The following CDH15 variants were observed in gnomAD, a reference collection of about 807,000 sequenced individuals.
The protein encoded by CDH15 is cadherin-15.
Under a neutral mutation model 69.4 loss-of-function variants are expected in CDH15, and 73 were observed. The observed-to-expected ratio is 1.05, with a 90% CI of 0.87 to 1.28. CDH15 has a LOEUF of 1.28. Ranked by LOEUF, CDH15 falls within the 50% of genes most tolerant of loss-of-function variation. CDH15 has a pLI of 0.00. For synonymous variants in CDH15, 624 were observed against 507.7 expected, an observed-to-expected ratio of 1.23 and a Z score of -3.08; for missense variants, 1,343 against 1,133.6, an observed-to-expected ratio of 1.18 and a Z score of -2.65.
Position 89,190,419 on chromosome 16 carries a change from A to G in CDH15, c.1155A>G (p.Ala385=). 1 of 1,611,694 alleles carries G rather than the reference A, an allele frequency of 6.2e-7. No individual in the cohort carries two copies. Among genetic ancestry groups the G allele is most frequent in the South Asian group, 1.1e-5 (1 of 90,658 alleles). Residue 385 remains alanine (A), a synonymous_variant, in exon 8 of 14, where the codon GCA becomes GCG. Coordinates refer to ENST00000289746, the MANE Select transcript of CDH15 (RefSeq NM_004933.3). ...AGAACCCACTTCGGACCAGCCTAGCAGAGGGGGCACCCCCAGGCACTCTGG... is the reference window on the plus strand; with the variant it reads ...AGAACCCACTTCGGACCAGCCTAGCGGAGGGGGCACCCCCAGGCACTCTGG... ...FQENPLRTSL[A]EGAPPGTLVA... is the part of the protein sequence containing the mutation.
chr16:89,183,254 T>C (rs1915415787), intron 3 of CDH15: 1 of 390,036 alleles, frequency 2.6e-6, no homozygotes, highest in African/African-American at 2.0e-5. Context: ...GGAGAGAGAT[T>C]AGGAACCCTC....
intron 13 of CDH15, among the ~76,000 whole-genome samples, chr16:89,194,622 G>C (rs1035444287): frequency 1.3e-5 from 2 of 152,182 alleles, no homozygotes; most frequent in African/African-American, 4.8e-5. Context: ...CAGAGCCCCG[G>C]GGGACGGGCT....
At chr16:89,180,168 A>G in intron 2 of CDH15, 32 bp from the exon 3 acceptor site, 1 of 1,608,482 alleles carries the variant, frequency 6.2e-7, no homozygotes, top group Non-Finnish European at 8.5e-7. Context: ...CGCCCGGAGC[A>G]GCTCTCCCCA....
chr16:89,182,743 A>G (rs894137342), intron 3 of CDH15: 1 of 152,230 alleles, frequency 6.6e-6, no homozygotes, highest in African/African-American at 2.4e-5. Context: ...TATTTGCCCC[A>G]AATCCTCCTT....
At chr16:89,180,502 T>C in intron 3 of CDH15, 147 bp downstream of exon 3, 1 of 940,300 alleles carries the variant, frequency 1.1e-6, no homozygotes, top group Non-Finnish European at 1.7e-6. Flanking sequence ...AGGGGGCAGG[T>C]ACAGGGGTTT....
chr16:89,173,980 G>A (rs1374089842), intron 1 of CDH15, among the ~76,000 whole-genome samples: 1 of 152,196 alleles, frequency 6.6e-6, no homozygotes, highest in Non-Finnish European at 1.5e-5. Context: ...GAGCCCCTTG[G>A]TCTCTGGGAG....
chr16:89,193,350 ACCCC>A, intron 11 of CDH15, 116 bp from the exon 12 acceptor site: 1 of 513,414 alleles, frequency 1.9e-6, no homozygotes, highest in Non-Finnish European at 3.2e-6. Context: ...CGCCCCCTCA[ACCCC>A]ACCCCTGCTT....
At chr16:89,172,823 T>C (rs951223037) in intron 1 of CDH15, among the ~76,000 whole-genome samples, 1 of 152,100 alleles carries the variant, frequency 6.6e-6, no homozygotes, top group Admixed American at 6.5e-5. Context: ...GAGGGCAGCC[T>C]CTCTCTGGCC....
chr16:89,186,381 C>A (rs1222504750), intron 5 of CDH15, among the ~76,000 whole-genome samples: 1 of 139,726 alleles, frequency 7.2e-6, no homozygotes, highest in Non-Finnish European at 1.5e-5. Flanking sequence ...AAGGCTCACC[C>A]AGCGCACAGT....
In CDH15 at chr16:89,180,247, G is replaced by A; in HGVS notation, c.249G>A (p.Gln83=). Residue 83 remains glutamine, a synonymous_variant, in exon 3 of 14, where the codon CAG becomes CAA. Coordinates refer to ENST00000289746, the MANE Select transcript of CDH15 (RefSeq NM_004933.3). ...QQLGSVIYSI[Q]GPGVDEEPRG... is the part of the protein sequence containing the mutation. ...TGGGCAGCGTCATCTACAGCATCCA[G>A]GGACCCGGCGTGGATGAGGAGCCCC... The A allele has an allele frequency of 6.2e-7, 1 of 1,610,088 alleles. No individual in the cohort carries two copies. Among genetic ancestry groups the A allele is most frequent in the East Asian group, 2.2e-5 (1 of 44,674 alleles).
Position 89,195,113 on chromosome 16 carries a change from T to G in CDH15, c.2403T>G (p.Ser801=). The change falls in exon 14 of 14, where the codon TCT becomes TCG. Residue 801 remains serine (S), a synonymous_variant. Transcript: ENST00000289746. ...ACCACCAGGCCAGGGAGGGTCTTTCTCCTGGGGCACTGCTACCCAGACACA... is the reference window on the plus strand; with the variant it reads ...ACCACCAGGCCAGGGAGGGTCTTTCGCCTGGGGCACTGCTACCCAGACACA... ...RWDHQAREGL[S]PGALLPRHRG... The G allele has an allele frequency of 6.2e-7, 1 of 1,607,094 alleles. No individual in the cohort carries two copies. The highest frequency in any genetic ancestry group is 2.2e-5 in the East Asian group (1 of 44,776).
chr16:89,174,895 C>G (rs1050680719), intron 1 of CDH15, among the ~76,000 whole-genome samples: 2 of 152,182 alleles, frequency 1.3e-5, no homozygotes, highest in African/African-American at 2.4e-5. Context: ...GTGGCTTTGT[C>G]CTGGGCACCG....
chr16:89,183,809 C>G (rs1254388217), intron 4 of CDH15, 117 bp downstream of exon 4: 2 of 1,108,940 alleles, frequency 1.8e-6, no homozygotes, highest in East Asian at 2.6e-5. Context: ...AATAAGTAAA[C>G]AAGTCTCCGA....
At chr16:89,187,808 T>G (rs1915523611) in intron 6 of CDH15, among the ~76,000 whole-genome samples, 3 of 152,156 alleles carry the variant, frequency 2.0e-5, no homozygotes, top group Non-Finnish European at 4.4e-5. Flanking sequence ...TCTGAGGCCC[T>G]CTCGCATTGC....
chr16:89,186,053 A>T (rs1915477209), intron 5 of CDH15: 1 of 132,220 alleles, frequency 7.6e-6, no homozygotes, highest in Non-Finnish European at 1.6e-5. Context: ...CTCTGTAAAC[A>T]CCCAGCGCAC....
chr16:89,173,659 C>T (rs377218997), intron 1 of CDH15, among the ~76,000 whole-genome samples: 5 of 152,320 alleles, frequency 3.3e-5, no homozygotes, highest in Admixed American at 3.3e-4. Context: ...CCTGGGCAGC[C>T]TTGGGGTCCT....
chr16:89,190,490 G>A lies in CDH15; in HGVS notation c.1226G>A (p.Arg409Lys). ...GACCCTGACACAGAGCAGCTGCAGA[G>A]GCTCAGGTGGGGCTCCTGAGGCCCT... The part of the protein sequence containing the change: ...ARDPDTEQLQ[R>K]LSYSKDYDPE... Residue 409 changes from arginine to lysine, a missense_variant, in exon 8 of 14, where the codon AGG becomes AAG. Arg to Lys is a conservative substitution (Grantham distance 26). Coordinates refer to ENST00000289746, the MANE Select transcript of CDH15 (RefSeq NM_004933.3). The A allele has an allele frequency of 6.3e-7, 1 of 1,591,530 alleles. No individual in the cohort carries two copies. The highest frequency in any genetic ancestry group is 1.1e-5 in the South Asian group (1 of 87,754).
rs1915459682 is a variant in CDH15, at chr16:89,185,337, A to T, written c.663+4A>T. On this transcript the variant is annotated splice_donor_region_variant and intron_variant, in intron 5 of 13. Transcript: ENST00000289746. ...GCAAGTGGGGCTGGACCGCGAGGTG[A>T]GGTGGCGCCCCGGCAGCTCCACACC... The T allele has an allele frequency of 5.6e-6, 9 of 1,596,466 alleles. No individual in the cohort carries two copies. Among genetic ancestry groups the T allele is most frequent in the Non-Finnish European group, 7.7e-6 (9 of 1,171,874 alleles).
In CDH15 at chr16:89,194,802, C is replaced by T. The variant is rs566464125; in HGVS notation, c.2152-60C>T. 4.0e-4 allele frequency: 615 copies of T among 1,519,314 alleles called. 2 individuals are homozygous for T. Among genetic ancestry groups the T allele is most frequent in the Non-Finnish European group, 5.0e-4 (565 of 1,120,674 alleles). The allele number at this position is 1,519,314 out of a possible 1,614,324, so 94.1% of individuals were successfully genotyped here. ...CTGACTTTGCCCTGGGCTGTGGCCACGGCGGTGGGGCACCCGCTGGCCCCT... is the reference window on the plus strand; with the variant it reads ...CTGACTTTGCCCTGGGCTGTGGCCATGGCGGTGGGGCACCCGCTGGCCCCT... On this transcript the variant is annotated intron_variant, in intron 13 of 13. Coordinates refer to ENST00000289746, the MANE Select transcript of CDH15 (RefSeq NM_004933.3).
Sources: allele counts gnomAD v4.1 joint callset (sites outside exome capture counted in the v4.1 genomes callset), GRCh38; gene constraint gnomAD v4.1.1; transcripts MANE v1.5; gene names NCBI Gene and HGNC (gene_info 2026-07-23, HGNC 2026-07-21).